DLGAP2: variants seen among roughly 807,000 people sequenced by gnomAD.
The protein encoded by DLGAP2 is DLG associated protein 2.
In DLGAP2, 26 loss-of-function variants were observed where a neutral mutation model predicts 100.3. The observed-to-expected ratio is 0.26, with a 90% CI of 0.19 to 0.36. The LOEUF is 0.36. Among genes scored for constraint, DLGAP2 ranks in the 10% least tolerant of loss-of-function variants. The pLI, the probability that DLGAP2 is intolerant of heterozygous loss-of-function variation, is 1.00. For missense variants in DLGAP2, 1,858 were observed against 1,453.2 expected, an observed-to-expected ratio of 1.28 and a Z score of -4.53; for synonymous variants, 886 against 630.1, an observed-to-expected ratio of 1.41 and a Z score of -6.08.
chr8:1,249,141 G>C (rs1349303521), intron 2 of DLGAP2, among the ~76,000 whole-genome samples: 1 of 152,178 alleles, frequency 6.6e-6, no homozygotes, highest in African/African-American at 2.4e-5. Flanking sequence ...CTGGATTAAT[G>C]AGAAAGCACT....
At chr8:1,102,985 G>C (rs982573787) in intron 2 of DLGAP2, among the ~76,000 whole-genome samples, 1 of 151,732 alleles carries the variant, frequency 6.6e-6, no homozygotes, top group East Asian at 1.9e-4. Context: ...AGATTCTGGG[G>C]TCTTCGTGAG....
intron 2 of DLGAP2, among the ~76,000 whole-genome samples, chr8:1,089,970 G>T (rs1002428665): frequency 6.6e-6 from 1 of 152,194 alleles, no homozygotes; most frequent in African/African-American, 2.4e-5. Flanking sequence ...TTGGGGGGCT[G>T]TGGAAACTCA....
chr8:1,559,559 CA>C (rs1481700291), intron 5 of DLGAP2, among the ~76,000 whole-genome samples: 3 of 152,184 alleles, frequency 2.0e-5, no homozygotes, highest in Admixed American at 6.5e-5. Context: ...CTTCTTAAAT[CA>C]GAAACAGAAA....
intron 3 of DLGAP2, among the ~76,000 whole-genome samples, chr8:1,364,354 T>C (rs1284189502): frequency 6.6e-6 from 1 of 152,044 alleles, no homozygotes; most frequent in Non-Finnish European, 1.5e-5. Context: ...GTTCTCGTGA[T>C]CGTCAAGGGC....
intron 3 of DLGAP2, among the ~76,000 whole-genome samples, chr8:1,390,113 G>A (rs1025498476): frequency 6.6e-6 from 1 of 151,874 alleles, no homozygotes; most frequent in Admixed American, 6.6e-5. Flanking sequence ...GGAGTATCAG[G>A]CTTAGAGGAG....
At chr8:1,414,150 T>G (rs531051802) in intron 3 of DLGAP2, among the ~76,000 whole-genome samples, 1 of 152,234 alleles carries the variant, frequency 6.6e-6, no homozygotes, top group Admixed American at 6.5e-5. Context: ...TGTTCAGGGT[T>G]GGGGGGAGTT....
chr8:1,411,422 G>T (rs570314393), intron 3 of DLGAP2, among the ~76,000 whole-genome samples: 1 of 152,232 alleles, frequency 6.6e-6, no homozygotes, highest in Non-Finnish European at 1.5e-5. Flanking sequence ...TGACCCCTGA[G>T]CCAGGCGGTC....
At chr8:919,834 T>G (rs540344638) in intron 2 of DLGAP2, among the ~76,000 whole-genome samples, 1 of 152,338 alleles carries the variant, frequency 6.6e-6, no homozygotes, top group South Asian at 2.1e-4. Flanking sequence ...TTTCTTCCAT[T>G]TCCTCACTAC....
chr8:1,245,936 C>G (rs1428621994), intron 2 of DLGAP2, among the ~76,000 whole-genome samples: 1 of 152,096 alleles, frequency 6.6e-6, no homozygotes, highest in Non-Finnish European at 1.5e-5. Flanking sequence ...AGAGGCGCCT[C>G]CTGTGCCTGA....
At chr8:863,720 G>C (rs75594129) in intron 1 of DLGAP2, among the ~76,000 whole-genome samples, 6,393 of 152,250 alleles carry the variant, frequency 0.042, 208 homozygotes, top group African/African-American at 0.082. Context: ...AAAAGACAAA[G>C]ACAGCAGATG....
intron 2 of DLGAP2, among the ~76,000 whole-genome samples, chr8:1,249,350 A>C (rs1798986172): frequency 6.6e-6 from 1 of 152,126 alleles, no homozygotes; most frequent in South Asian, 2.1e-4. Flanking sequence ...CCATGAGTGG[A>C]GTGCACTGTC....
At chr8:1,296,691 C>G (rs1035738706) in intron 3 of DLGAP2, among the ~76,000 whole-genome samples, 3 of 152,206 alleles carry the variant, frequency 2.0e-5, no homozygotes, top group East Asian at 3.8e-4. Flanking sequence ...CCTTTCCTCC[C>G]CACTTTACAA....
At chr8:1,322,197 A>T (rs1800916890) in intron 3 of DLGAP2, among the ~76,000 whole-genome samples, 1 of 152,262 alleles carries the variant, frequency 6.6e-6, no homozygotes, top group Non-Finnish European at 1.5e-5. Context: ...TGAATTAATT[A>T]GCCACTAAAT....
chr8:1,034,501 G>A lies in DLGAP2; in HGVS notation c.73+126535G>A, dbSNP rs1278596869. ...GTTCACAGCCTCATCCCGACCCCGCGTGTCACCGCGAGTGGATTCACACCC... is the reference window on the plus strand; with the variant it reads ...GTTCACAGCCTCATCCCGACCCCGCATGTCACCGCGAGTGGATTCACACCC... On this transcript the variant is annotated intron_variant, in intron 2 of 14. Transcript: ENST00000637795. 1.7e-4 allele frequency among the ~76,000 whole-genome samples: 12 copies of A among 72,506 alleles called. 1 individual carries two copies. Among genetic ancestry groups the A allele is most frequent in the Non-Finnish European group, 2.8e-4 (11 of 39,352 alleles). 47.6% of individuals were successfully genotyped at this position (72,506 alleles called of 152,430 possible).
At chr8:1,683,251 C>G (rs1028493501) in intron 12 of DLGAP2, among the ~76,000 whole-genome samples, 2 of 151,608 alleles carry the variant, frequency 1.3e-5, no homozygotes, top group African/African-American at 4.8e-5. Flanking sequence ...TGGCACTGTG[C>G]TGGGCCTTGA....
intron 1 of DLGAP2, among the ~76,000 whole-genome samples, chr8:861,475 A>G (rs770790851): frequency 6.6e-6 from 1 of 152,106 alleles, no homozygotes; most frequent in African/African-American, 2.4e-5. Context: ...AAACCAAGAG[A>G]CCAAACATTT....
At chr8:1,436,733 TCACCCACTTACCCATTCACC>T (rs1797642749) in intron 3 of DLGAP2, among the ~76,000 whole-genome samples, 1 of 152,156 alleles carries the variant, frequency 6.6e-6, no homozygotes, top group Non-Finnish European at 1.5e-5. Context: ...ACCCATTCAC[TCACCCACTTACCCATTCACC>T]CACCCACTCA....
intron 6 of DLGAP2, among the ~76,000 whole-genome samples, chr8:1,589,999 T>C (rs1001917291): frequency 6.6e-6 from 1 of 152,054 alleles, no homozygotes; most frequent in Non-Finnish European, 1.5e-5. Flanking sequence ...AAGTCTGAAA[T>C]CAAGGTGTGG....
intron 2 of DLGAP2, among the ~76,000 whole-genome samples, chr8:1,069,794 T>A (rs1301241054): frequency 6.6e-6 from 1 of 152,076 alleles, no homozygotes; most frequent in South Asian, 2.1e-4. Flanking sequence ...CAAGATGAGG[T>A]GCAGCCACAA....
Sources: allele counts gnomAD v4.1 joint callset (sites outside exome capture counted in the v4.1 genomes callset), GRCh38; gene constraint gnomAD v4.1.1; transcripts MANE v1.5; gene names NCBI Gene and HGNC (gene_info 2026-07-23, HGNC 2026-07-21).